Variants in PXMP4 observed in about 807,000 individuals in gnomAD.
PXMP4 encodes the protein 24 kDa peroxisomal intrinsic membrane protein.
PXMP4 carries 16 observed loss-of-function variants against 21.6 expected under a neutral mutation model. The observed-to-expected ratio is 0.74, with a 90% CI of 0.50 to 1.13. The LOEUF is 1.13. Ranked by LOEUF, PXMP4 falls within the 50% of genes most tolerant of loss-of-function variation. The probability of loss-of-function intolerance (pLI) is 0.00; values close to 1 mark genes in which losing one functional copy is unlikely to be tolerated. For missense variants in PXMP4, 240 were observed against 277.7 expected (o/e 0.86, Z 0.96); for synonymous variants, 127 against 123.8 (o/e 1.03, Z -0.17).
At chr20:33,714,380 G>A (rs2018361863) in intron 2 of PXMP4, among the ~76,000 whole-genome samples, 1 of 152,098 alleles carries the variant, frequency 6.6e-6, no homozygotes, top group Admixed American at 6.6e-5. Context: ...TTAGCCAGGT[G>A]TGGTGGTGGG....
At position 33,720,173 on chromosome 20, in the gene PXMP4, A is replaced by G; in HGVS notation, c.35T>C (p.Val12Ala). Residue 12 changes from valine (V) to alanine (A), a missense_variant, in exon 1 of 4, where the codon GTA becomes GCA. Coordinates refer to ENST00000409299, the MANE Select transcript of PXMP4 (RefSeq NM_007238.5). ...CTTGCGCAGCAGTGCGTTGACGACTACGAGCAGAGCCCTTAGCTGCGGCGG... is the reference window on the plus strand; with the variant it reads ...CTTGCGCAGCAGTGCGTTGACGACTGCGAGCAGAGCCCTTAGCTGCGGCGG... The part of the protein sequence containing the change: ...AAPPQLRALL[V>A]VVNALLRKRR... 6.2e-7 allele frequency: 1 copy of G among 1,613,348 alleles called. No homozygotes were observed.
At chr20:33,717,171 C>G (rs898582860) in intron 1 of PXMP4, among the ~76,000 whole-genome samples, 2 of 152,006 alleles carry the variant, frequency 1.3e-5, no homozygotes, top group Non-Finnish European at 2.9e-5. Context: ...GACTAAGACT[C>G]TGTCTCAAAA....
intron 3 of PXMP4, among the ~76,000 whole-genome samples, 200 bp from the exon 4 acceptor site, chr20:33,708,169 G>T (rs2018284093): frequency 6.7e-6 from 1 of 149,920 alleles, no homozygotes; most frequent in Admixed American, 6.7e-5. Context: ...CAATTTCATT[G>T]ATTTCTGTAC....
chr20:33,707,590 AC>A lies in PXMP4; in HGVS notation c.*115del. The A allele has an allele frequency of 7.1e-7, 1 of 1,405,278 alleles. No homozygotes were observed. The highest frequency in any genetic ancestry group is 1.4e-5 in the South Asian group (1 of 71,568). 87.1% of individuals were successfully genotyped at this position (1,405,278 alleles called of 1,614,324 possible). On this transcript the variant is annotated 3_prime_UTR_variant, in exon 4 of 4. Transcript: ENST00000409299. Reference sequence around the variant, plus strand: ...CAGTGTTTTTACTTCAGCAAACGGAACCCTGGGATAACACCAGTTGGAGTCT... The same window carrying A: ...CAGTGTTTTTACTTCAGCAAACGGAACCTGGGATAACACCAGTTGGAGTCT...
chr20:33,710,814 C>A (rs773178501), intron 2 of PXMP4, 61 bp from the exon 3 acceptor site: 13 of 1,468,036 alleles, frequency 8.9e-6, no homozygotes, highest in Non-Finnish European at 1.1e-5. Context: ...AGGGCTTTTA[C>A]GCACTGGGCA....
Position 33,707,925 on chromosome 20 carries a change from G to A in PXMP4, c.420C>T (p.Arg140=). Residue 140 remains arginine, a synonymous_variant, in exon 4 of 4, where the codon CGC becomes CGT. Coordinates refer to ENST00000409299, the MANE Select transcript of PXMP4 (RefSeq NM_007238.5). ...GGATGTAGCCCTTCTCTACAGCCAG[G>A]CGGCTCAGGGCAAACAGGACGCGTG... ...LLSRVLFALS[R]LAVEKGYIPE... 6.2e-7 allele frequency: 1 copy of A among 1,614,110 alleles called. No individual in the cohort carries two copies. Among genetic ancestry groups the A allele is most frequent in the Non-Finnish European group, 8.5e-7 (1 of 1,180,052 alleles).
Position 33,710,570 on chromosome 20 carries a change from A to C in PXMP4, c.360T>G (p.Asn120Lys). The C allele has an allele frequency of 6.2e-7, 1 of 1,605,262 alleles. No individual in the cohort carries two copies. The highest frequency in any genetic ancestry group is 1.1e-5 in the South Asian group (1 of 90,866). ...LGGILVFGEN[N>K]NINSQINMYL... is the part of the protein sequence containing the mutation. ...GGATCTTTACCTGGCTGTTGATGTT[A>C]TTGTTTTCTCCAAACACCAGGATAC... The change falls in exon 3 of 4, where the codon AAT (asparagine) becomes AAG (lysine). Residue 120 changes from asparagine to lysine, a missense_variant. By Grantham distance (94) the Asn-to-Lys change is moderately conservative. Coordinates refer to ENST00000409299, the MANE Select transcript of PXMP4 (RefSeq NM_007238.5).
At chr20:33,718,725 C>A (rs1964161338) in intron 1 of PXMP4, among the ~76,000 whole-genome samples, 1 of 152,036 alleles carries the variant, frequency 6.6e-6, no homozygotes, top group South Asian at 2.1e-4. Flanking sequence ...TGGCCACGAG[C>A]AATGGGTCTA....
intron 1 of PXMP4, among the ~76,000 whole-genome samples, chr20:33,716,007 G>T (rs1232689935): frequency 1.3e-5 from 2 of 151,218 alleles, no homozygotes; most frequent in Non-Finnish European, 2.9e-5. Flanking sequence ...ACCATGCCTG[G>T]CTAACTTTGT....
intron 2 of PXMP4, among the ~76,000 whole-genome samples, chr20:33,714,155 T>C (rs529552365): frequency 6.6e-6 from 1 of 152,326 alleles, no homozygotes; most frequent in African/African-American, 2.4e-5. Flanking sequence ...GAGGCCAGAC[T>C]GCAGAAGGCC....
chr20:33,718,524 A>C (rs1181369856), intron 1 of PXMP4, among the ~76,000 whole-genome samples: 1 of 150,118 alleles, frequency 6.7e-6, no homozygotes, highest in Non-Finnish European at 1.5e-5. Context: ...AAAAAAAAAA[A>C]AAAAAAAAAA....
At chr20:33,714,515 T>TCAA (rs3838023) in intron 2 of PXMP4, among the ~76,000 whole-genome samples, 159 bp downstream of exon 2, 22,232 of 150,718 alleles carry the variant, frequency 0.15, 2,264 homozygotes, top group East Asian at 0.5. Flanking sequence ...AGACTCCATC[T>TCAA]CAACAACAAC....
rs922165112 is a variant in PXMP4 at position 33,702,946 on chromosome 20, C to T, written c.*4760G>A. The stretch of plus-strand genomic sequence containing the variant: ...ACAGGTCTTAGAGAATGGAGGGCAG[C>T]TAGGAAGGAGCCAAATGGGACTCCT... On this transcript the variant is annotated 3_prime_UTR_variant, in exon 4 of 4. Transcript: ENST00000409299. 2.0e-5 allele frequency: 3 copies of T among 152,098 alleles called. No individual in the cohort carries two copies. Among genetic ancestry groups the T allele is most frequent in the Non-Finnish European group, 4.4e-5 (3 of 68,020 alleles). The allele number at this position is 152,098 out of a possible 1,614,324, so 9.4% of individuals were successfully genotyped here.
Position 33,717,660 on chromosome 20 carries a change from T to TAAAAAAAAA in PXMP4, c.113+2434_113+2435insTTTTTTTTT, listed in dbSNP as rs2018398410. ...GTCTCAAAAAAAAAAAAAAAAAAAT[T>TAAAAAAAAA]ATTAAATATTTTAAATGTTACATAA... On this transcript the variant is annotated intron_variant, in intron 1 of 3. Coordinates refer to ENST00000409299, the MANE Select transcript of PXMP4 (RefSeq NM_007238.5). Among the ~76,000 whole-genome samples, 12 of 109,070 alleles carry TAAAAAAAAA rather than the reference T, an allele frequency of 1.1e-4. 1 individual carries two copies. The highest frequency in any genetic ancestry group is 4.9e-4 in the African/African-American group (12 of 24,250). 71.6% of individuals were successfully genotyped at this position (109,070 alleles called of 152,430 possible).
chr20:33,710,532 C>A (rs1418238059), intron 3 of PXMP4, 23 bp downstream of exon 3: 1 of 1,527,460 alleles, frequency 6.5e-7, no homozygotes, highest in Admixed American at 1.8e-5. Flanking sequence ...CCTTCACTAC[C>A]CCCATCTCGG....
intron 1 of PXMP4, 85 bp downstream of exon 1, chr20:33,720,010 A>G: frequency 1.5e-6 from 2 of 1,294,616 alleles, no homozygotes; most frequent in Non-Finnish European, 2.2e-6. Flanking sequence ...GGCAAACAGC[A>G]CCGCGGCATC....
At chr20:33,710,114 C>A (rs73261879) in intron 3 of PXMP4, among the ~76,000 whole-genome samples, 3,260 of 135,726 alleles carry the variant, frequency 0.024, 202 homozygotes, top group African/African-American at 0.09. Context: ...CACCTCTATC[C>A]AGAACCACGC....
intron 2 of PXMP4, among the ~76,000 whole-genome samples, chr20:33,712,161 A>G (rs997535173): frequency 6.6e-6 from 1 of 152,164 alleles, no homozygotes; most frequent in Admixed American, 6.6e-5. Flanking sequence ...CCGGGAGCAG[A>G]TGGCTCTCAC....
chr20:33,711,980 A>AT (rs1173178224), intron 2 of PXMP4, among the ~76,000 whole-genome samples: 9 of 150,904 alleles, frequency 6.0e-5, no homozygotes, highest in African/African-American at 2.2e-4. Context: ...GTCTCTAAAA[A>AT]TTAAAAAAAA....
Sources: gnomAD v4.1 joint callset for allele counts (sites outside exome capture counted in the v4.1 genomes callset) on GRCh38, gnomAD v4.1.1 for gene constraint, MANE v1.5 for transcripts, NCBI Gene and HGNC (gene_info 2026-07-23, HGNC 2026-07-21) for gene names.